Variants in VPS37A observed in about 807,000 individuals in gnomAD.
The protein encoded by VPS37A is VPS37A subunit of ESCRT-I.
VPS37A carries 30 observed loss-of-function variants against 49.8 expected under a neutral mutation model. The ratio of observed to expected loss-of-function variants is 0.60; its 90% CI spans 0.45 to 0.82. The LOEUF (loss-of-function observed/expected upper bound fraction) is 0.82, where lower values mean the gene tolerates loss of function less well. Ranked by LOEUF, VPS37A falls within the 40% of genes least tolerant of loss-of-function variation. The pLI is 0.00. For missense variants in VPS37A, 593 were observed against 464.4 expected (o/e 1.28, Z -2.55); for synonymous variants, 195 against 160.6 (o/e 1.21, Z -1.62).
At chr8:17,273,023 CTTTT>C (rs1166192119) in intron 4 of VPS37A, among the ~76,000 whole-genome samples, 1 of 43,820 alleles carries the variant, frequency 2.3e-5, no homozygotes, top group Non-Finnish European at 4.1e-5. Context: ...TTTGCCCTTC[CTTTT>C]TTTTTTTTTT....
At chr8:17,284,663 T>G (rs4922278) in intron 10 of VPS37A, 47 bp downstream of exon 10, 3 of 1,540,464 alleles carry the variant, frequency 1.9e-6, no homozygotes, top group South Asian at 1.3e-5. Flanking sequence ...TAAAGTTTGG[T>G]ATTTTTATAG....
intron 1 of VPS37A, among the ~76,000 whole-genome samples, chr8:17,264,608 A>G (rs536558428): frequency 1.7e-4 from 26 of 152,344 alleles, no homozygotes; most frequent in Admixed American, 1.3e-3. Context: ...TAAGATTTAC[A>G]TATCCTAGAG....
chr8:17,314,514 G>T, the VPS37A span, among the ~76,000 whole-genome samples: 1 of 152,032 alleles, frequency 6.6e-6, no homozygotes, highest in Admixed American at 6.5e-5. Flanking sequence ...GTGCATATGG[G>T]TCACATAGCA....
chr8:17,277,539 A>G (rs1814628619), intron 6 of VPS37A, among the ~76,000 whole-genome samples: 2 of 152,070 alleles, frequency 1.3e-5, no homozygotes. Context: ...GGAGGGCTGT[A>G]GGTATGAGTC....
At chr8:17,300,319 GTA>G, downstream of VPS37A, 1 of 1,309,244 alleles carries the variant, frequency 7.6e-7, no homozygotes, top group Non-Finnish European at 1.0e-6. Flanking sequence ...TCCCACGTGG[GTA>G]TAATGTTAAG....
downstream of VPS37A, chr8:17,301,584 A>C (rs111736410): frequency 6.6e-6 from 1 of 152,450 alleles, no homozygotes; most frequent in African/African-American, 2.4e-5. Context: ...AAAGAGCCAG[A>C]CTGCTAGAAT....
chr8:17,265,981 T>C lies in VPS37A; in HGVS notation c.200T>C (p.Ile67Thr), dbSNP rs1409510443. 1 of 1,610,692 alleles carries C rather than the reference T, an allele frequency of 6.2e-7. No homozygotes were observed. The change falls in exon 2 of 12, where the codon ATA becomes ACA. Residue 67 changes from isoleucine to threonine, a missense_variant and splice_region_variant. Transcript: ENST00000324849. Reference sequence around the variant, plus strand: ...AACAACCTGACAATTAACATTAATATGTGAGTAGAATTGTATCCTACTTTT... The same window carrying C: ...AACAACCTGACAATTAACATTAATACGTGAGTAGAATTGTATCCTACTTTT... The part of the protein sequence containing the change: ...TINNLTININ[I>T]LLPPQFPQEK...
chr8:17,323,719 G>C, the VPS37A span, among the ~76,000 whole-genome samples: 2 of 152,120 alleles, frequency 1.3e-5, no homozygotes, highest in Non-Finnish European at 2.9e-5. Context: ...TATGAACTTT[G>C]AGACTGTATT....
At chr8:17,255,317 C>G (rs931145909) in intron 1 of VPS37A, among the ~76,000 whole-genome samples, 8 of 151,976 alleles carry the variant, frequency 5.3e-5, no homozygotes, top group Admixed American at 2.0e-4. Flanking sequence ...CCTGTCTCTA[C>G]TAAAAATATA....
the VPS37A span, among the ~76,000 whole-genome samples, chr8:17,308,854 G>A: frequency 3.9e-5 from 6 of 152,248 alleles, 1 homozygote. Flanking sequence ...GAGACATCTG[G>A]GACAAACTGC....
the VPS37A span, among the ~76,000 whole-genome samples, chr8:17,313,751 T>C: frequency 2.0e-5 from 3 of 152,286 alleles, no homozygotes; most frequent in Admixed American, 1.3e-4. Flanking sequence ...CTAAGGAATA[T>C]GAATTGGGAG....
At chr8:17,302,713 C>A (rs987339900), downstream of VPS37A, among the ~76,000 whole-genome samples, 4 of 76,126 alleles carry the variant, frequency 5.3e-5, no homozygotes, top group South Asian at 6.7e-4. Context: ...ACCCCCCCCC[C>A]CCCGCTTTTT....
intron 11 of VPS37A, among the ~76,000 whole-genome samples, chr8:17,293,000 G>A (rs1046310218): frequency 6.6e-6 from 1 of 152,122 alleles, no homozygotes; most frequent in Non-Finnish European, 1.5e-5. Context: ...ATGTTGGGCT[G>A]TCTTGCTAGG....
chr8:17,289,279 C>T (rs1393857245), intron 11 of VPS37A, among the ~76,000 whole-genome samples: 1 of 152,108 alleles, frequency 6.6e-6, no homozygotes, highest in Admixed American at 6.5e-5. Flanking sequence ...AGTCTTTGCC[C>T]ATGCCCATGT....
intron 4 of VPS37A, 138 bp downstream of exon 4, chr8:17,269,094 G>A (rs1251310654): frequency 1.5e-5 from 9 of 614,976 alleles, no homozygotes; most frequent in African/African-American, 1.3e-4. Context: ...TACTTTCAGA[G>A]GCAACTGTTT....
chr8:17,308,298 T>C, the VPS37A span, among the ~76,000 whole-genome samples: 1 of 152,186 alleles, frequency 6.6e-6, no homozygotes, highest in Non-Finnish European at 1.5e-5. Context: ...CCTAACTGCC[T>C]AGCGTGTAAT....
At chr8:17,250,202 C>T (rs1294438998) in intron 1 of VPS37A, among the ~76,000 whole-genome samples, 1 of 152,104 alleles carries the variant, frequency 6.6e-6, no homozygotes, top group Non-Finnish European at 1.5e-5. Context: ...AGGAGGTGGT[C>T]AGAGAGAGCT....
chr8:17,254,128 C>T (rs1306353487), intron 1 of VPS37A, among the ~76,000 whole-genome samples: 2 of 152,040 alleles, frequency 1.3e-5, no homozygotes, highest in East Asian at 1.9e-4. Context: ...TTATTCAAAC[C>T]TTTATGACGT....
At position 17,295,924 on chromosome 8, in the gene VPS37A, G is replaced by C. The variant is rs974756415; in HGVS notation, c.*938G>C. 2 of 152,080 alleles carry C rather than the reference G, an allele frequency of 1.3e-5. No individual in the cohort carries two copies. The highest frequency in any genetic ancestry group is 4.8e-5 in the African/African-American group (2 of 41,404). The allele number at this position is 152,080 out of a possible 1,614,324, so 9.4% of individuals were successfully genotyped here. On this transcript the variant is annotated 3_prime_UTR_variant, in exon 12 of 12. Coordinates refer to ENST00000324849, the MANE Select transcript of VPS37A (RefSeq NM_152415.3). ...TTAATGAATTTAATTGAGTGTTCTTGTATACTACATTGAGCAGTTTGCTTC... is the reference window on the plus strand; with the variant it reads ...TTAATGAATTTAATTGAGTGTTCTTCTATACTACATTGAGCAGTTTGCTTC...
Sources: allele counts gnomAD v4.1 joint callset (sites outside exome capture counted in the v4.1 genomes callset), GRCh38; gene constraint gnomAD v4.1.1; transcripts MANE v1.5; gene names NCBI Gene and HGNC (gene_info 2026-07-23, HGNC 2026-07-21).